Variants in ELMO1 observed in about 807,000 individuals in gnomAD.
ELMO1 encodes the protein engulfment and cell motility protein 1.
Under a neutral mutation model 98.9 loss-of-function variants are expected in ELMO1, and 26 were observed. The observed-to-expected ratio is 0.26, with a 90% confidence interval of 0.19 to 0.36. The LOEUF is 0.36. Among genes scored for constraint, ELMO1 ranks in the 10% least tolerant of loss-of-function variants. The pLI, the probability that ELMO1 is intolerant of heterozygous loss-of-function variation, is 1.00. For synonymous variants in ELMO1, 346 were observed against 346.0 expected (o/e 1.00, Z 0.00); for missense variants, 627 against 935.2 (o/e 0.67, Z 4.30).
intron 1 of ELMO1, among the ~76,000 whole-genome samples, chr7:37,438,170 A>G (rs1805229525): frequency 6.6e-6 from 1 of 152,124 alleles, no homozygotes; most frequent in African/African-American, 2.4e-5. Context: ...AAGACATATA[A>G]AGCAAACTAA....
At chr7:37,267,357 A>G (rs1796317754) in intron 5 of ELMO1, among the ~76,000 whole-genome samples, 1 of 152,222 alleles carries the variant, frequency 6.6e-6, no homozygotes, top group Admixed American at 6.5e-5. Flanking sequence ...TACCTACTGC[A>G]CTTACCTAGT....
chr7:37,024,135 C>T (rs558661257), intron 15 of ELMO1, among the ~76,000 whole-genome samples: 45 of 152,172 alleles, frequency 3.0e-4, no homozygotes, highest in African/African-American at 9.2e-4. Context: ...TTCCATCTGT[C>T]GGTCGGTCCA....
chr7:37,145,458 G>C (rs908464713), intron 13 of ELMO1, among the ~76,000 whole-genome samples: 1 of 152,224 alleles, frequency 6.6e-6, no homozygotes, highest in African/African-American at 2.4e-5. Context: ...TAATTTAGAA[G>C]CTTCTCACTC....
At position 37,111,877 on chromosome 7, in the gene ELMO1, T is replaced by C. The variant is rs1482984000; in HGVS notation, c.1192-15150A>G. Among the ~76,000 whole-genome samples, 7 of 152,330 alleles carry C rather than the reference T, an allele frequency of 4.6e-5. No homozygotes were observed. In the East Asian group the frequency reaches 9.6e-4, roughly 21 times the overall value. On this transcript the variant is annotated intron_variant, in intron 14 of 21. Transcript: ENST00000310758. ...AACTAAATGTTGGTCTTCTTCATCA[T>C]TGGCTTATAGAGAACTCATGTCTGC...
intron 15 of ELMO1, among the ~76,000 whole-genome samples, chr7:37,081,461 TC>T (rs200494188): frequency 0.014 from 2,137 of 152,344 alleles, 18 homozygotes; most frequent in Middle Eastern, 0.037. Flanking sequence ...TTTGGCTGTG[TC>T]CCCACCCAAA....
intron 15 of ELMO1, among the ~76,000 whole-genome samples, chr7:37,096,198 G>A (rs1164096401): frequency 6.6e-6 from 1 of 152,054 alleles, no homozygotes; most frequent in African/African-American, 2.4e-5. Flanking sequence ...AACACTGAGA[G>A]CAAGAGAATT....
chr7:37,233,107 C>G lies in ELMO1; in HGVS notation c.537G>C (p.Ala179=), dbSNP rs150348909. 1 of 1,613,164 alleles carries G rather than the reference C, an allele frequency of 6.2e-7. No individual in the cohort carries two copies. The highest frequency in any genetic ancestry group is 1.3e-5 in the African/African-American group (1 of 74,918). ...GAGTCCACCTTACCTTCTTAATGAA[C>G]GCCACCGAAAATGTATCCCAGGACA... ...GIVSWDTFSV[A]FIKKIASFVN... Residue 179 remains alanine, a synonymous_variant, in exon 8 of 22, where the codon GCG becomes GCC. Transcript: ENST00000310758.
chr7:37,399,142 C>G (rs1309497938), intron 1 of ELMO1, among the ~76,000 whole-genome samples: 1 of 152,114 alleles, frequency 6.6e-6, no homozygotes, highest in Non-Finnish European at 1.5e-5. Flanking sequence ...CTGGCTCCTC[C>G]TTGATCTGCC....
intron 16 of ELMO1, among the ~76,000 whole-genome samples, chr7:36,901,183 T>C (rs1246631711): frequency 6.6e-6 from 1 of 152,140 alleles, no homozygotes; most frequent in Non-Finnish European, 1.5e-5. Flanking sequence ...TAGTTTCACT[T>C]TATAGTTTTG....
At chr7:37,016,657 C>T (rs1350566889) in intron 15 of ELMO1, among the ~76,000 whole-genome samples, 2 of 152,178 alleles carry the variant, frequency 1.3e-5, no homozygotes, top group African/African-American at 4.8e-5. Context: ...TGAGAACACT[C>T]GGCCATGAGA....
intron 1 of ELMO1, among the ~76,000 whole-genome samples, chr7:37,382,344 T>C (rs1348460215): frequency 6.6e-6 from 1 of 152,254 alleles, no homozygotes; most frequent in Non-Finnish European, 1.5e-5. Flanking sequence ...TAGTAACATT[T>C]TATCACAGTA....
At chr7:37,328,061 A>G (rs2131179668) in intron 2 of ELMO1, among the ~76,000 whole-genome samples, 2 of 152,278 alleles carry the variant, frequency 1.3e-5, no homozygotes, top group East Asian at 3.9e-4. Context: ...TTCACTAATG[A>G]GCAAACCATA....
chr7:37,396,588 C>A (rs1803309474), intron 1 of ELMO1, among the ~76,000 whole-genome samples: 1 of 152,156 alleles, frequency 6.6e-6, no homozygotes, highest in Non-Finnish European at 1.5e-5. Flanking sequence ...CACAGGAATC[C>A]TTTGCATCAC....
chr7:37,112,610 A>G (rs551438494), intron 14 of ELMO1, among the ~76,000 whole-genome samples: 1 of 152,352 alleles, frequency 6.6e-6, no homozygotes, highest in African/African-American at 2.4e-5. Context: ...TAAACCAACC[A>G]AAGAGAAGTT....
rs1028238170 is a variant in ELMO1, at chr7:37,168,238, G to T, written c.1087-35004C>A. 5.3e-5 allele frequency among the ~76,000 whole-genome samples: 8 copies of T among 151,988 alleles called. 1 individual carries two copies. The highest frequency in any genetic ancestry group is 6.3e-3 in the Middle Eastern group (2 of 316). On this transcript the variant is annotated intron_variant, in intron 13 of 21. Coordinates refer to ENST00000310758, the MANE Select transcript of ELMO1 (RefSeq NM_014800.11). ...TATTGGTTATTCTAGTTATACATTC[G>T]TCTAAATTTTTTTCAAAGTTTTTAA...
rs1806332124 is a variant in ELMO1, at chr7:36,899,682, A to ACCTTTTTTTTTTTTTTT, written c.1438-4666_1438-4665insAAAAAAAAAAAAAAAGG. On this transcript the variant is annotated intron_variant, in intron 16 of 21. Transcript: ENST00000310758. ...AGACTCATTTTTACTATCTTTACTC[A>ACCTTTTTTTTTTTTTTT]TCTTTTTTTTTTTTTTTTACCACTC... 3.7e-4 allele frequency among the ~76,000 whole-genome samples: 2 copies of ACCTTTTTTTTTTTTTTT among 5,396 alleles called. 1 individual carries two copies. Among genetic ancestry groups the ACCTTTTTTTTTTTTTTT allele is most frequent in the African/African-American group, 1.2e-3 (2 of 1,720 alleles). 3.5% of individuals were successfully genotyped at this position (5,396 alleles called of 152,430 possible).
intron 1 of ELMO1, among the ~76,000 whole-genome samples, chr7:37,420,710 G>C (rs377444432): frequency 3.3e-5 from 5 of 152,328 alleles, no homozygotes; most frequent in African/African-American, 1.2e-4. Context: ...GGGAATAGGA[G>C]AATGCATTTT....
At chr7:37,320,754 T>A (rs3847015) in intron 2 of ELMO1, among the ~76,000 whole-genome samples, 1 of 151,900 alleles carries the variant, frequency 6.6e-6, no homozygotes, top group Non-Finnish European at 1.5e-5. Context: ...TAGGATCTAA[T>A]AGGAGACTCA....
intron 15 of ELMO1, among the ~76,000 whole-genome samples, chr7:37,049,926 C>T (rs372010343): frequency 1.3e-5 from 2 of 151,752 alleles, no homozygotes; most frequent in Admixed American, 1.3e-4. Flanking sequence ...TACAGGCATG[C>T]GCCATCATGC....
Sources: allele counts gnomAD v4.1 joint callset (sites outside exome capture counted in the v4.1 genomes callset), GRCh38; gene constraint gnomAD v4.1.1; transcripts MANE v1.5; gene names NCBI Gene and HGNC (gene_info 2026-07-23, HGNC 2026-07-21).